Variants in NLGN1 observed in about 807,000 individuals in gnomAD.
The protein encoded by NLGN1 is neuroligin-1.
NLGN1 carries 12 observed loss-of-function variants against 65.5 expected under a neutral mutation model. The observed-to-expected ratio is 0.18, with a 90% CI of 0.12 to 0.30. NLGN1 has a LOEUF of 0.30. NLGN1 is among the 10% of genes least tolerant of loss of function. The pLI is 1.00. For synonymous variants in NLGN1, 350 were observed against 359.5 expected, an observed-to-expected ratio of 0.97 and a Z score of 0.30; for missense variants, 750 against 1,007.1, an observed-to-expected ratio of 0.74 and a Z score of 3.46.
At chr3:173,463,278 C>T (rs1280557489) in intron 2 of NLGN1, among the ~76,000 whole-genome samples, 1 of 152,154 alleles carries the variant, frequency 6.6e-6, no homozygotes, top group East Asian at 1.9e-4. Context: ...ATGAGTAGAA[C>T]ATTATTCATT....
chr3:174,187,728 C>T (rs1731673750), intron 4 of NLGN1, among the ~76,000 whole-genome samples: 1 of 151,904 alleles, frequency 6.6e-6, no homozygotes, highest in Non-Finnish European at 1.5e-5. Flanking sequence ...ATGCTAGGTG[C>T]CTTAGGGAAG....
chr3:173,995,001 C>G (rs75258283), intron 4 of NLGN1, among the ~76,000 whole-genome samples: 111 of 152,284 alleles, frequency 7.3e-4, no homozygotes, highest in African/African-American at 2.5e-3. Context: ...TTCTATTTGT[C>G]TCCCATTCTT....
chr3:173,912,447 C>T (rs544783722), intron 4 of NLGN1: 1 of 152,250 alleles, frequency 6.6e-6, no homozygotes, highest in African/African-American at 2.4e-5. Context: ...CGAGTTTTCT[C>T]ATTTGTAAAA....
intron 3 of NLGN1, among the ~76,000 whole-genome samples, chr3:173,775,176 A>C (rs1780126014): frequency 6.6e-6 from 1 of 152,184 alleles, no homozygotes; most frequent in Admixed American, 6.6e-5. Context: ...GGATTTACTA[A>C]ATCTGCACTA....
chr3:174,171,703 C>G (rs1728565961), intron 4 of NLGN1, among the ~76,000 whole-genome samples: 1 of 151,982 alleles, frequency 6.6e-6, no homozygotes, highest in African/African-American at 2.4e-5. Flanking sequence ...AATTTTGAAT[C>G]TTTAGGTATT....
At position 173,413,418 on chromosome 3, in the gene NLGN1, G is replaced by A. The variant is rs376873723; in HGVS notation, c.-390+14931G>A. Reference sequence around the variant, plus strand: ...AGTTCAAGACCAGCCTGACCGATACGATGAAACCCCATCTCTACTAAAAAT... The same window carrying A: ...AGTTCAAGACCAGCCTGACCGATACAATGAAACCCCATCTCTACTAAAAAT... On this transcript the variant is annotated intron_variant, in intron 1 of 6. Transcript: ENST00000457714. Among the ~76,000 whole-genome samples the A allele has an allele frequency of 8.6e-5, 13 of 151,942 alleles. No homozygotes were observed. The East Asian group carries it at 1.2e-3, about 14-fold the overall frequency.
chr3:173,544,652 A>C (rs1224096904), intron 2 of NLGN1, among the ~76,000 whole-genome samples: 1 of 152,166 alleles, frequency 6.6e-6, no homozygotes, highest in East Asian at 1.9e-4. Flanking sequence ...AAGAAAGACC[A>C]TTATAAGAAA....
intron 4 of NLGN1, among the ~76,000 whole-genome samples, chr3:173,847,767 G>A (rs926250456): frequency 1.1e-4 from 16 of 152,246 alleles, no homozygotes; most frequent in South Asian, 4.1e-4. Flanking sequence ...ACCTACTCAG[G>A]AAGCTGAGTG....
chr3:173,528,637 T>A (rs1021202582), intron 2 of NLGN1, among the ~76,000 whole-genome samples: 3 of 152,226 alleles, frequency 2.0e-5, no homozygotes, highest in African/African-American at 7.2e-5. Context: ...GTTTATTTTT[T>A]AAAACATATT....
rs538242664 is a variant in NLGN1 at position 174,136,463 on chromosome 3, G to A, written c.647-138852G>A. The A allele has an allele frequency of 5.3e-5, 8 of 152,108 alleles. No homozygotes were observed. In the South Asian group the frequency reaches 1.7e-3, roughly 32 times the overall value. The allele number at this position is 152,108 out of a possible 1,614,324, so 9.4% of individuals were successfully genotyped here. A position where few individuals can be genotyped will look rare whatever the true frequency, so the allele number is the denominator to read the frequency against. On this transcript the variant is annotated intron_variant, in intron 4 of 6. Coordinates refer to ENST00000457714, the Ensembl canonical transcript of NLGN1. ...GGAGAAAATTGACACTTACTGGGTG[G>A]GCAGAGCAACATTGTTTTGACAGTG... is the stretch of plus-strand genomic sequence containing the variant.
intron 4 of NLGN1, among the ~76,000 whole-genome samples, chr3:174,092,595 A>G (rs1744727706): frequency 6.6e-6 from 1 of 152,050 alleles, no homozygotes; most frequent in Non-Finnish European, 1.5e-5. Flanking sequence ...GAGTGACATT[A>G]GTCATAACAT....
At chr3:173,459,586 C>CT (rs2148882403) in intron 2 of NLGN1, among the ~76,000 whole-genome samples, 1 of 152,186 alleles carries the variant, frequency 6.6e-6, no homozygotes, top group East Asian at 1.9e-4. Flanking sequence ...AAAACAAGAT[C>CT]ATGAGAAACC....
intron 4 of NLGN1, among the ~76,000 whole-genome samples, chr3:174,151,118 C>T (rs1484070409): frequency 1.3e-5 from 2 of 151,430 alleles, no homozygotes; most frequent in Admixed American, 6.6e-5. Context: ...AGTAGAGCTG[C>T]GATATCATAT....
rs73182696 is a variant in NLGN1, at chr3:173,928,339, T to C, written c.646+120507T>C. ...CCTCGTGAGTGACAGGAGCCTCAAC[T>C]GTGTGGTACATTATCTTCTGTGATC... On this transcript the variant is annotated intron_variant, in intron 4 of 6. Coordinates refer to ENST00000457714, the Ensembl canonical transcript of NLGN1. 8.5e-3 allele frequency among the ~76,000 whole-genome samples: 1,291 copies of C among 152,308 alleles called. 12 individuals are homozygous for C. The highest frequency in any genetic ancestry group is 0.014 in the Admixed American group (210 of 15,302).
intron 4 of NLGN1, among the ~76,000 whole-genome samples, chr3:173,812,953 G>A (rs1718274402): frequency 6.7e-6 from 1 of 150,322 alleles, no homozygotes; most frequent in African/African-American, 2.4e-5. Flanking sequence ...AAAAACAGTA[G>A]AGAATAATAA....
chr3:174,068,426 T>C (rs1181921754), intron 4 of NLGN1, among the ~76,000 whole-genome samples: 6 of 151,868 alleles, frequency 4.0e-5, no homozygotes, highest in African/African-American at 1.4e-4. Context: ...AGCCATAGGC[T>C]GAAGTTGCAG....
intron 2 of NLGN1, among the ~76,000 whole-genome samples, chr3:173,474,204 C>G (rs531474152): frequency 6.6e-6 from 1 of 151,842 alleles, no homozygotes; most frequent in African/African-American, 2.4e-5. Flanking sequence ...CTTCTGAATT[C>G]TAGTCTGTTT....
chr3:173,881,640 A>C (rs546492172), intron 4 of NLGN1, among the ~76,000 whole-genome samples: 153 of 150,970 alleles, frequency 1.0e-3, no homozygotes, highest in Non-Finnish European at 2.0e-3. Context: ...TGTAGCCAGG[A>C]TGGTCTCGAT....
intron 4 of NLGN1, among the ~76,000 whole-genome samples, chr3:174,112,294 A>C (rs988499660): frequency 1.3e-5 from 2 of 151,984 alleles, no homozygotes; most frequent in Non-Finnish European, 2.9e-5. Context: ...TTGATTAATA[A>C]ATGGAAATCA....
Sources: allele counts gnomAD v4.1 joint callset (sites outside exome capture counted in the v4.1 genomes callset), GRCh38; gene constraint gnomAD v4.1.1; transcripts MANE v1.5; gene names NCBI Gene and HGNC (gene_info 2026-07-23, HGNC 2026-07-21).